HCN1: variants seen among roughly 807,000 people sequenced by gnomAD.
HCN1 encodes the protein potassium/sodium hyperpolarization-activated cyclic nucleotide-gated channel 1.
A neutral mutation model predicts 78.9 loss-of-function variants in HCN1; 13 were observed. The observed-to-expected ratio is 0.16, with a 90% CI of 0.11 to 0.26. The LOEUF is 0.26. Among genes scored for constraint, HCN1 ranks in the 10% least tolerant of loss-of-function variants. HCN1 has a pLI of 1.00. For missense variants in HCN1, 810 were observed against 1,154.3 expected (o/e 0.70, Z 4.32); for synonymous variants, 552 against 455.5 (o/e 1.21, Z -2.70).
At chr5:45,384,325 T>C (rs1026545890) in intron 4 of HCN1, among the ~76,000 whole-genome samples, 5 of 152,146 alleles carry the variant, frequency 3.3e-5, no homozygotes, top group Admixed American at 3.3e-4. Context: ...ACATCCAATA[T>C]AGTCACAGAA....
chr5:45,476,905 A>G (rs1443225633), intron 2 of HCN1, among the ~76,000 whole-genome samples: 1 of 152,176 alleles, frequency 6.6e-6, no homozygotes. Flanking sequence ...GGATAAGGCT[A>G]AGTAAAGGAT....
chr5:45,368,174 T>C (rs1579843934), intron 4 of HCN1, among the ~76,000 whole-genome samples: 1 of 152,010 alleles, frequency 6.6e-6, no homozygotes, highest in Non-Finnish European at 1.5e-5. Context: ...TAATACACGT[T>C]TTGTGTTCTC....
chr5:45,334,741 G>A (rs551013818), intron 5 of HCN1, among the ~76,000 whole-genome samples: 12 of 151,978 alleles, frequency 7.9e-5, no homozygotes, highest in South Asian at 4.1e-4. Flanking sequence ...CAATATGCTC[G>A]GCACTGTGGC....
chr5:45,518,615 T>C (rs960857591), intron 2 of HCN1, among the ~76,000 whole-genome samples: 2 of 151,996 alleles, frequency 1.3e-5, no homozygotes, highest in Admixed American at 6.6e-5. Flanking sequence ...AAGAGACCAT[T>C]TGATGGACAA....
intron 2 of HCN1, among the ~76,000 whole-genome samples, chr5:45,610,331 A>C (rs1341766059): frequency 6.6e-6 from 1 of 152,062 alleles, no homozygotes; most frequent in African/African-American, 2.4e-5. Context: ...TGTCTGCATA[A>C]CAATAAATAC....
chr5:45,561,678 G>C (rs1400104130), intron 2 of HCN1, among the ~76,000 whole-genome samples: 1 of 152,028 alleles, frequency 6.6e-6, no homozygotes, highest in East Asian at 1.9e-4. Flanking sequence ...ATGCTAAGGA[G>C]ATATCTCAGG....
Position 45,340,326 on chromosome 5 carries a change from G to T in HCN1, c.1377+12774C>A, listed in dbSNP as rs777761480. On this transcript the variant is annotated intron_variant, in intron 5 of 7. Coordinates refer to ENST00000303230, the MANE Select transcript of HCN1 (RefSeq NM_021072.4). ...CTAGAAGAATACTTCCCATTTAAGG[G>T]TACACATTACTAGGGTTCATTTTTA... is the stretch of plus-strand genomic sequence containing the variant. 2.6e-4 allele frequency among the ~76,000 whole-genome samples: 39 copies of T among 152,108 alleles called. 1 individual carries two copies. The highest frequency in any genetic ancestry group is 4.4e-4 in the Non-Finnish European group (30 of 68,016).
At chr5:45,267,536 G>A (rs1169039178) in intron 6 of HCN1, among the ~76,000 whole-genome samples, 2 of 151,506 alleles carry the variant, frequency 1.3e-5, no homozygotes, top group South Asian at 2.1e-4. Context: ...TTGGGAGGCC[G>A]AGGTGGGTGA....
chr5:45,509,846 T>C (rs1742376228), intron 2 of HCN1, among the ~76,000 whole-genome samples: 2 of 152,112 alleles, frequency 1.3e-5, no homozygotes, highest in African/African-American at 4.8e-5. Context: ...ATGGCCTCGT[T>C]CAAATACCAT....
chr5:45,265,998 G>A (rs1406252581), intron 7 of HCN1, among the ~76,000 whole-genome samples: 1 of 152,138 alleles, frequency 6.6e-6, no homozygotes, highest in African/African-American at 2.4e-5. Context: ...GAGGAAGGTT[G>A]AGCAGAGTCG....
chr5:45,365,035 GATTA>G (rs1367312303), intron 4 of HCN1, among the ~76,000 whole-genome samples: 2 of 151,760 alleles, frequency 1.3e-5, no homozygotes, highest in Non-Finnish European at 2.9e-5. Context: ...TTCAATAATT[GATTA>G]ATTAATATGT....
At chr5:45,364,332 G>A (rs934609995) in intron 4 of HCN1, among the ~76,000 whole-genome samples, 1 of 151,930 alleles carries the variant, frequency 6.6e-6, no homozygotes, top group Middle Eastern at 3.2e-3. Flanking sequence ...CCCTGATCTC[G>A]ACTCGTAAGC....
chr5:45,669,914 C>A (rs1212178291), intron 1 of HCN1, among the ~76,000 whole-genome samples: 5 of 151,596 alleles, frequency 3.3e-5, no homozygotes, highest in African/African-American at 7.3e-5. Context: ...TTTGATTATT[C>A]TTTTATTTAT....
intron 6 of HCN1, among the ~76,000 whole-genome samples, chr5:45,276,606 A>G (rs1242773733): frequency 2.0e-5 from 3 of 152,136 alleles, no homozygotes; most frequent in Admixed American, 6.6e-5. Flanking sequence ...TGCAACCTGT[A>G]CCTTAGGCAA....
At chr5:45,590,816 G>A (rs1744345564) in intron 2 of HCN1, among the ~76,000 whole-genome samples, 1 of 152,094 alleles carries the variant, frequency 6.6e-6, no homozygotes, top group Non-Finnish European at 1.5e-5. Flanking sequence ...TCGATAGCTA[G>A]TTACATTGTA....
intron 2 of HCN1, among the ~76,000 whole-genome samples, chr5:45,497,511 A>G (rs1742069876): frequency 6.6e-6 from 1 of 152,172 alleles, no homozygotes; most frequent in Admixed American, 6.5e-5. Context: ...TTTATCACAG[A>G]CTAGGATTGC....
chr5:45,503,358 AG>A, intron 2 of HCN1, among the ~76,000 whole-genome samples: 1 of 152,296 alleles, frequency 6.6e-6, no homozygotes, highest in Middle Eastern at 3.4e-3. Context: ...GCAAATGAGT[AG>A]GTATCTCTAA....
chr5:45,574,540 G>A (rs1431938430), intron 2 of HCN1: 1 of 151,952 alleles, frequency 6.6e-6, no homozygotes, highest in Non-Finnish European at 1.5e-5. Flanking sequence ...CAACAATATT[G>A]TAATTAGTCC....
In HCN1 at chr5:45,467,965, G is replaced by A. The variant is rs553536244; in HGVS notation, c.850-5958C>T. Among the ~76,000 whole-genome samples the A allele has an allele frequency of 2.6e-4, 39 of 152,138 alleles. 1 individual carries two copies. The South Asian group carries it at 7.3e-3, about 28-fold the overall frequency. Reference sequence around the variant, plus strand: ...GGAACTTTGAGACACAGAGAGAGCTGGCCTGCCTTACAGGGTAAAACAAAT... The same window carrying A: ...GGAACTTTGAGACACAGAGAGAGCTAGCCTGCCTTACAGGGTAAAACAAAT... On this transcript the variant is annotated intron_variant, in intron 2 of 7. Transcript: ENST00000303230.
Sources: allele counts gnomAD v4.1 joint callset (sites outside exome capture counted in the v4.1 genomes callset), GRCh38; gene constraint gnomAD v4.1.1; transcripts MANE v1.5; gene names NCBI Gene and HGNC (gene_info 2026-07-23, HGNC 2026-07-21).